The following PTPRG variants were observed in gnomAD, a reference collection of about 807,000 sequenced individuals.
The protein encoded by PTPRG is receptor-type tyrosine-protein phosphatase gamma.
In PTPRG, 102 loss-of-function variants were observed where a neutral mutation model predicts 165.3. The ratio of observed to expected loss-of-function variants is 0.62; its 90% confidence interval spans 0.53 to 0.73. The LOEUF (loss-of-function observed/expected upper bound fraction) is 0.73, where lower values mean the gene tolerates loss of function less well. Ranked by LOEUF, PTPRG falls within the 30% of genes least tolerant of loss-of-function variation. PTPRG has a pLI of 0.00. For missense variants in PTPRG, 1,866 were observed against 1,861.4 expected, an observed-to-expected ratio of 1.00 and a Z score of -0.05; for synonymous variants, 675 against 669.5, an observed-to-expected ratio of 1.01 and a Z score of -0.13.
intron 1 of PTPRG, among the ~76,000 whole-genome samples, chr3:61,745,051 C>T (rs1575627359): frequency 6.3e-5 from 7 of 111,600 alleles, no homozygotes; most frequent in East Asian, 5.0e-4. Flanking sequence ...CATTCCCTCA[C>T]TTTTTTTTTT....
At chr3:61,708,551 T>TTCATGCC (rs1484855238) in intron 1 of PTPRG, among the ~76,000 whole-genome samples, 1 of 146,738 alleles carries the variant, frequency 6.8e-6, no homozygotes, top group Non-Finnish European at 1.5e-5. Context: ...GCCCCCTGGG[T>TTCATGCC]TCATGCCATT....
chr3:62,156,340 A>G (rs1217231238), intron 6 of PTPRG, among the ~76,000 whole-genome samples: 2 of 152,160 alleles, frequency 1.3e-5, no homozygotes, highest in Non-Finnish European at 2.9e-5. Flanking sequence ...GCAGACACTA[A>G]CCCATTCCAT....
chr3:61,709,379 A>T (rs1001677804), intron 1 of PTPRG, among the ~76,000 whole-genome samples: 1 of 151,844 alleles, frequency 6.6e-6, no homozygotes, highest in Non-Finnish European at 1.5e-5. Context: ...CAGTGGCGCA[A>T]TCTCAGTTTA....
At chr3:62,087,495 A>C (rs1701790755) in intron 5 of PTPRG, among the ~76,000 whole-genome samples, 1 of 152,250 alleles carries the variant, frequency 6.6e-6, no homozygotes, top group Non-Finnish European at 1.5e-5. Flanking sequence ...GACTTAACTG[A>C]TGTAAAATGC....
chr3:61,609,200 A>G (rs1350107264), intron 1 of PTPRG, among the ~76,000 whole-genome samples: 1 of 152,192 alleles, frequency 6.6e-6, no homozygotes, highest in Non-Finnish European at 1.5e-5. Context: ...AAATTGGGCT[A>G]ACCATCCCTC....
chr3:62,282,620 T>G, intron 27 of PTPRG, 107 bp from the exon 28 acceptor site: 20 of 1,107,100 alleles, frequency 1.8e-5, no homozygotes, highest in East Asian at 2.8e-5. Context: ...ACAACATTGT[T>G]GAGAGTTACC....
At chr3:62,167,853 C>A in intron 7 of PTPRG, 118 bp from the exon 8 acceptor site, 2 of 1,036,976 alleles carry the variant, frequency 1.9e-6, no homozygotes, top group Non-Finnish European at 2.9e-6. Context: ...TTGGGCACTT[C>A]CTACCGTTTC....
At chr3:61,726,688 A>G (rs2032271715) in intron 1 of PTPRG, among the ~76,000 whole-genome samples, 1 of 152,190 alleles carries the variant, frequency 6.6e-6, no homozygotes. Flanking sequence ...TTGCATCCCT[A>G]GAAATTTTCT....
At chr3:61,682,848 A>G (rs1362585811) in intron 1 of PTPRG, among the ~76,000 whole-genome samples, 1 of 152,258 alleles carries the variant, frequency 6.6e-6, no homozygotes, top group African/African-American at 2.4e-5. Context: ...TTCCTAAGCA[A>G]CGAAGAAGAT....
intron 2 of PTPRG, among the ~76,000 whole-genome samples, chr3:61,851,811 C>T (rs922369009): frequency 6.6e-6 from 1 of 152,070 alleles, no homozygotes; most frequent in African/African-American, 2.4e-5. Flanking sequence ...CTTCTCTTTG[C>T]CTTCAGTAGC....
chr3:61,988,713 A>G (rs2040819996), intron 2 of PTPRG, among the ~76,000 whole-genome samples: 1 of 152,208 alleles, frequency 6.6e-6, no homozygotes, highest in South Asian at 2.1e-4. Flanking sequence ...TAATCTTTCC[A>G]GTAAAAGTTG....
intron 2 of PTPRG, among the ~76,000 whole-genome samples, chr3:61,808,324 G>C (rs1469957740): frequency 6.6e-6 from 1 of 152,158 alleles, no homozygotes; most frequent in Non-Finnish European, 1.5e-5. Context: ...GAGTGAACTG[G>C]AATCCAGTGG....
At chr3:62,100,945 G>A (rs1371921406) in intron 5 of PTPRG, among the ~76,000 whole-genome samples, 1 of 152,048 alleles carries the variant, frequency 6.6e-6, no homozygotes, top group African/African-American at 2.4e-5. Context: ...TCTTTTATAT[G>A]TAATATTCTT....
chr3:61,729,869 TTTCA>T (rs1483652034), intron 1 of PTPRG, among the ~76,000 whole-genome samples: 6 of 152,212 alleles, frequency 3.9e-5, no homozygotes, highest in Admixed American at 1.3e-4. Context: ...TATTTATTGC[TTTCA>T]TTATCAGAAA....
Position 61,640,334 on chromosome 3 carries a change from G to C in PTPRG, c.85+77962G>C, listed in dbSNP as rs1019382229. Among the ~76,000 whole-genome samples, 2 of 152,198 alleles carry C rather than the reference G, an allele frequency of 1.3e-5. 1 individual carries two copies. The highest frequency in any genetic ancestry group is 4.1e-4 in the South Asian group (2 of 4,828). ...GCCGCCCTCTGGAGAGATCAGAGTA[G>C]GTCCTGGGGTATACACCTGGGGCCA... On this transcript the variant is annotated intron_variant, in intron 1 of 29. Coordinates refer to ENST00000474889, the MANE Select transcript of PTPRG (RefSeq NM_002841.4).
chr3:62,278,125 C>G (rs1430402475), intron 26 of PTPRG, among the ~76,000 whole-genome samples: 2 of 152,022 alleles, frequency 1.3e-5, no homozygotes, highest in Non-Finnish European at 2.9e-5. Flanking sequence ...CATGTAATAG[C>G]TGAGAAAACT....
intron 2 of PTPRG, among the ~76,000 whole-genome samples, chr3:61,787,723 G>A (rs2034751255): frequency 6.6e-6 from 1 of 152,186 alleles, no homozygotes; most frequent in Non-Finnish European, 1.5e-5. Flanking sequence ...AGTTGTTAAA[G>A]TCAATCTGTT....
At chr3:61,632,549 C>T (rs1348081091) in intron 1 of PTPRG, among the ~76,000 whole-genome samples, 1 of 152,116 alleles carries the variant, frequency 6.6e-6, no homozygotes, top group East Asian at 1.9e-4. Flanking sequence ...AGATCAGGCA[C>T]GTTCAGGGTG....
At chr3:61,782,092 A>C (rs534876166) in intron 2 of PTPRG, among the ~76,000 whole-genome samples, 2 of 152,282 alleles carry the variant, frequency 1.3e-5, no homozygotes, top group Admixed American at 6.5e-5. Context: ...CCCCAGATCT[A>C]AGTGGAGATA....
Sources: gnomAD v4.1 joint callset for allele counts (sites outside exome capture counted in the v4.1 genomes callset) on GRCh38, gnomAD v4.1.1 for gene constraint, MANE v1.5 for transcripts, NCBI Gene and HGNC (gene_info 2026-07-23, HGNC 2026-07-21) for gene names.